Variants in METTL23 observed in about 807,000 individuals in gnomAD.
The protein encoded by METTL23 is histone-arginine methyltransferase METTL23.
A neutral mutation model predicts 21.2 loss-of-function variants in METTL23; 24 were observed. The observed-to-expected ratio is 1.13, with a 90% CI of 0.82 to 1.59. METTL23 has a LOEUF of 1.59. Among genes scored for constraint, METTL23 ranks in the 40% most tolerant of loss-of-function variants. The probability of loss-of-function intolerance (pLI) is 0.00; values close to 1 mark genes in which losing one functional copy is unlikely to be tolerated. For missense variants in METTL23, 276 were observed against 221.4 expected (o/e 1.25, Z -1.57); for synonymous variants, 97 against 75.2 (o/e 1.29, Z -1.50).
intron 2 of METTL23, among the ~76,000 whole-genome samples, chr17:76,732,000 C>T (rs2058215): frequency 0.9 from 137,389 of 152,240 alleles, 63,609 homozygotes; most frequent in Non-Finnish European, 1. Flanking sequence ...TACTAGAAAG[C>T]CATGTTGCAG....
At chr17:76,728,933 A>G (rs1156369873) in intron 1 of METTL23, among the ~76,000 whole-genome samples, 2 of 148,320 alleles carry the variant, frequency 1.3e-5, no homozygotes, top group African/African-American at 5.0e-5. Context: ...AGCTGGGACT[A>G]CAGGTGCCCA....
chr17:76,726,884 G>A lies in METTL23; in HGVS notation c.-316G>A, dbSNP rs1265189608. The A allele has an allele frequency of 2.2e-6, 1 of 447,858 alleles. No homozygotes were observed. Among genetic ancestry groups the A allele is most frequent in the South Asian group, 1.6e-5 (1 of 64,298 alleles). The allele number at this position is 447,858 out of a possible 1,614,324, so 27.7% of individuals were successfully genotyped here. A position where few individuals can be genotyped will look rare whatever the true frequency, so the allele number is the denominator to read the frequency against. ...CCCGTTGCCAGTTCTGCGCGTGTGA[G>A]TCTCTTTCGCCTTGCTCCGGGCTTT... is the stretch of plus-strand genomic sequence containing the variant. On this transcript the variant is annotated 5_prime_UTR_variant, in exon 1 of 5. Coordinates refer to ENST00000341249, the MANE Select transcript of METTL23 (RefSeq NM_001080510.5).
chr17:76,732,844 A>AT, intron 2 of METTL23, 134 bp from the exon 3 acceptor site: 1 of 724,908 alleles, frequency 1.4e-6, no homozygotes, highest in Admixed American at 2.5e-5. Context: ...GTTACGGTAC[A>AT]TTTTATACAA....
intron 1 of METTL23, among the ~76,000 whole-genome samples, chr17:76,728,707 G>A (rs891773049): frequency 5.3e-5 from 8 of 151,712 alleles, no homozygotes; most frequent in Non-Finnish European, 1.2e-4. Context: ...CACCGCTCCC[G>A]GCTGGCTTCA....
Position 76,733,297 on chromosome 17 carries a change from T to C in METTL23, c.327T>C (p.Phe109=), listed in dbSNP as rs1163622789. The change falls in exon 4 of 5, where the codon TTT becomes TTC. Residue 109 remains phenylalanine (F), a synonymous_variant. Transcript: ENST00000341249. ...ASDVFFEPED[F]EDILATIYFL... ...TCATAAATCCTTTCTCCTCAGATTT[T>C]GAAGACATTTTGGCTACAATATATT... 2 of 1,613,880 alleles carry C rather than the reference T, an allele frequency of 1.2e-6. No homozygotes were observed. Among genetic ancestry groups the C allele is most frequent in the African/African-American group, 1.3e-5 (1 of 74,946 alleles).
chr17:76,728,047 C>G (rs2077025415), intron 1 of METTL23, among the ~76,000 whole-genome samples: 1 of 152,142 alleles, frequency 6.6e-6, no homozygotes, highest in Admixed American at 6.5e-5. Flanking sequence ...CCAGACCAGC[C>G]TGGGCAATAT....
intron 2 of METTL23, 156 bp from the exon 3 acceptor site, chr17:76,732,822 T>C (rs1229511171): frequency 4.6e-6 from 3 of 646,006 alleles, no homozygotes; most frequent in Non-Finnish European, 8.0e-6. Context: ...GTCATGTTTA[T>C]AGTAATGTTC....
At position 76,733,174 on chromosome 17, in the gene METTL23, A is replaced by T. The variant is rs768558354; in HGVS notation, c.281A>T (p.Gln94Leu). 2.5e-6 allele frequency: 4 copies of T among 1,613,816 alleles called. No homozygotes were observed. The African/African-American group carries it at 5.3e-5, about 22-fold the overall frequency. The change falls in exon 3 of 5, where the codon CAA (glutamine) becomes CTA (leucine). Residue 94 changes from glutamine (Q) to leucine (L), a missense_variant. Coordinates refer to ENST00000341249, the MANE Select transcript of METTL23 (RefSeq NM_001080510.5). ...TGGGATCTTCTGGCTCTACCACCACAAGATATTATCCTTGCATCTGATGTG... is the reference window on the plus strand; with the variant it reads ...TGGGATCTTCTGGCTCTACCACCACTAGATATTATCCTTGCATCTGATGTG... Reference protein sequence around the residue: ...ISWDLLALPPQDIILASDVFF... With the variant: ...ISWDLLALPPLDIILASDVFF...
At position 76,733,661 on chromosome 17, in the gene METTL23, T is replaced by A. The variant is rs780944443; in HGVS notation, c.548T>A (p.Ile183Asn). The A allele has an allele frequency of 6.2e-7, 1 of 1,613,652 alleles. No individual in the cohort carries two copies. The highest frequency in any genetic ancestry group is 8.5e-7 in the Non-Finnish European group (1 of 1,179,806). ...AGACATACAGTTGAAATGCTGGTCA[T>A]TTCCTTTGCAAAGGACAGTCTCTGA... is the stretch of plus-strand genomic sequence containing the variant. The part of the protein sequence containing the change: ...PGRHTVEMLV[I>N]SFAKDSL Residue 183 changes from isoleucine to asparagine, a missense_variant, in exon 5 of 5, where the codon ATT (isoleucine) becomes AAT (asparagine). Ile to Asn is a moderately radical substitution (Grantham distance 149, BLOSUM62 -3). Coordinates refer to ENST00000341249, the MANE Select transcript of METTL23 (RefSeq NM_001080510.5).
upstream of METTL23, chr17:76,726,547 C>G (rs1200145456): frequency 6.0e-6 from 9 of 1,506,744 alleles, no homozygotes; most frequent in Non-Finnish European, 7.1e-6. Context: ...GCACCCCTCC[C>G]CGGCCTGGGC....
At chr17:76,732,952 A>G (rs1261236857) in intron 2 of METTL23, 26 bp from the exon 3 acceptor site, 1 of 1,529,660 alleles carries the variant, frequency 6.5e-7, no homozygotes, top group Non-Finnish European at 8.9e-7. Context: ...TATAATTGTG[A>G]AATGCCATCT....
chr17:76,726,646 C>G, upstream of METTL23: 1 of 929,968 alleles, frequency 1.1e-6, no homozygotes, highest in South Asian at 1.8e-5. Context: ...AGCCACCTCC[C>G]GAGCCTCGGG....
intron 1 of METTL23, among the ~76,000 whole-genome samples, chr17:76,728,315 C>A (rs1376656191): frequency 7.0e-6 from 1 of 143,742 alleles, no homozygotes; most frequent in East Asian, 1.9e-4. Flanking sequence ...TTGCTAACTG[C>A]AACCTCAACC....
chr17:76,728,108 T>C (rs1358226831), intron 1 of METTL23, among the ~76,000 whole-genome samples: 2 of 152,190 alleles, frequency 1.3e-5, no homozygotes, highest in East Asian at 3.9e-4. Context: ...TCGTGGCTTG[T>C]GCCTGTAGCC....
chr17:76,729,580 A>G (rs1170489351), intron 1 of METTL23, 110 bp from the exon 2 acceptor site: 1 of 699,870 alleles, frequency 1.4e-6, no homozygotes. Flanking sequence ...ATTGGTGAAC[A>G]GGGCTGCCAT....
At chr17:76,726,665 G>T, upstream of METTL23, 1 of 762,574 alleles carries the variant, frequency 1.3e-6, no homozygotes, top group Non-Finnish European at 2.0e-6. Context: ...GGTTGGGCAA[G>T]CGGCCGCCGT....
At chr17:76,727,379 C>T in intron 1 of METTL23, 1 of 319,982 alleles carries the variant, frequency 3.1e-6, no homozygotes, top group Non-Finnish European at 6.2e-6. Context: ...GGAGACCCTG[C>T]CAAGAAGTGA....
chr17:76,730,306 G>T (rs552543399), intron 2 of METTL23, among the ~76,000 whole-genome samples: 4 of 151,688 alleles, frequency 2.6e-5, no homozygotes, highest in Admixed American at 1.3e-4. Context: ...AAAAAAAGTG[G>T]TTTTTTAAAG....
At chr17:76,726,553 T>C, upstream of METTL23, 1 of 1,497,462 alleles carries the variant, frequency 6.7e-7, no homozygotes, top group East Asian at 2.5e-5. Flanking sequence ...CTCCCCGGCC[T>C]GGGCGGCGGC....
Sources: gnomAD v4.1 joint callset for allele counts (sites outside exome capture counted in the v4.1 genomes callset) on GRCh38, gnomAD v4.1.1 for gene constraint, MANE v1.5 for transcripts, NCBI Gene and HGNC (gene_info 2026-07-23, HGNC 2026-07-21) for gene names.